VRK2: variants seen among roughly 807,000 people sequenced by gnomAD.
The protein encoded by VRK2 is serine/threonine-protein kinase VRK2.
A neutral mutation model predicts 57.6 loss-of-function variants in VRK2; 60 were observed. The observed-to-expected ratio is 1.04, with a 90% CI of 0.85 to 1.29. VRK2 has a LOEUF of 1.29. Ranked by LOEUF, VRK2 falls within the 50% of genes most tolerant of loss-of-function variation. The probability of loss-of-function intolerance (pLI) is 0.00; values close to 1 mark genes in which losing one functional copy is unlikely to be tolerated. For synonymous variants in VRK2, 231 were observed against 199.2 expected, an observed-to-expected ratio of 1.16 and a Z score of -1.35; for missense variants, 705 against 588.1, an observed-to-expected ratio of 1.20 and a Z score of -2.06.
At chr2:58,074,531 C>T (rs142161441) in intron 2 of VRK2, among the ~76,000 whole-genome samples, 103 of 152,222 alleles carry the variant, frequency 6.8e-4, no homozygotes, top group African/African-American at 2.4e-3. Flanking sequence ...TTTCAAATAA[C>T]ACTATACTAC....
intron 1 of VRK2, among the ~76,000 whole-genome samples, chr2:57,932,286 A>C (rs1322687204): frequency 6.6e-6 from 1 of 152,070 alleles, no homozygotes; most frequent in East Asian, 1.9e-4. Context: ...ATTTCTCTTT[A>C]GATGTCTGAT....
intron 1 of VRK2, among the ~76,000 whole-genome samples, chr2:58,002,601 T>C (rs909115434): frequency 3.3e-5 from 5 of 152,148 alleles, no homozygotes; most frequent in African/African-American, 1.2e-4. Flanking sequence ...TTTTTAATCA[T>C]ATGGTTATAT....
At chr2:58,131,471 C>T (rs1441303387) in intron 8 of VRK2, among the ~76,000 whole-genome samples, 1 of 151,932 alleles carries the variant, frequency 6.6e-6, no homozygotes, top group Non-Finnish European at 1.5e-5. Context: ...TGTTTTACTG[C>T]TTGGCTCTTT....
At chr2:57,939,368 A>T (rs922170685) in intron 1 of VRK2, among the ~76,000 whole-genome samples, 3 of 152,106 alleles carry the variant, frequency 2.0e-5, no homozygotes, top group Non-Finnish European at 4.4e-5. Context: ...AAAGGGCTTC[A>T]CTTTCATTTT....
intron 7 of VRK2, among the ~76,000 whole-genome samples, chr2:58,090,589 T>C (rs1350547171): frequency 6.6e-6 from 1 of 152,074 alleles, no homozygotes; most frequent in Non-Finnish European, 1.5e-5. Context: ...CATTTGTTGC[T>C]CATGGAAATT....
intron 1 of VRK2, among the ~76,000 whole-genome samples, chr2:57,973,480 G>A (rs992882059): frequency 6.6e-6 from 1 of 151,770 alleles, no homozygotes; most frequent in Non-Finnish European, 1.5e-5. Flanking sequence ...CAATACCCAT[G>A]CCTTTGGATT....
rs71394403 is a variant in VRK2 at position 57,933,309 on chromosome 2, C to CTTTTTTTTTTTTT, written c.-439+25480_-439+25492dup. On this transcript the variant is annotated intron_variant, in intron 1 of 15. Coordinates refer to the VRK2 transcript ENST00000417641. The stretch of plus-strand genomic sequence containing the variant: ...TGCTATTTCTTATTTCTTTCTTTTT[C>CTTTTTTTTTTTTT]TTTTTTTTTTTTTTTTTTTTTTGAG... 5.4e-4 allele frequency among the ~76,000 whole-genome samples: 34 copies of CTTTTTTTTTTTTT among 63,320 alleles called. 2 individuals carry two copies. Among genetic ancestry groups the CTTTTTTTTTTTTT allele is most frequent in the African/African-American group, 1.9e-3 (25 of 13,074 alleles). 41.5% of individuals were successfully genotyped at this position (63,320 alleles called of 152,430 possible).
At chr2:58,137,224 C>CATATGATACATATATATCAT (rs1680625353) in intron 10 of VRK2, among the ~76,000 whole-genome samples, 30 of 65,132 alleles carry the variant, frequency 4.6e-4, no homozygotes, top group African/African-American at 2.3e-3. Flanking sequence ...ACATATATAT[C>CATATGATACATATATATCAT]ATATGATACA....
intron 7 of VRK2, among the ~76,000 whole-genome samples, chr2:58,104,346 T>G (rs1558640510): frequency 6.6e-6 from 1 of 151,988 alleles, no homozygotes; most frequent in Non-Finnish European, 1.5e-5. Flanking sequence ...TTAATTTTGT[T>G]AAATGAATTT....
chr2:57,909,470 G>GTA (rs1669920753), intron 1 of VRK2, among the ~76,000 whole-genome samples: 1 of 128,148 alleles, frequency 7.8e-6, no homozygotes, highest in Admixed American at 7.8e-5. Flanking sequence ...GTATGTGTGT[G>GTA]TGTGTGTTTT....
chr2:58,056,692 T>A (rs1166329268), intron 2 of VRK2, among the ~76,000 whole-genome samples: 1 of 152,168 alleles, frequency 6.6e-6, no homozygotes, highest in Non-Finnish European at 1.5e-5. Flanking sequence ...TTGGACTGGT[T>A]AATTGGTACA....
intron 1 of VRK2, among the ~76,000 whole-genome samples, chr2:57,937,670 C>G (rs1670957498): frequency 6.6e-6 from 1 of 152,152 alleles, no homozygotes; most frequent in African/African-American, 2.4e-5. Context: ...AGGAGTTGAA[C>G]TTTTCTCCTT....
chr2:57,925,224 A>T (rs563222427), intron 1 of VRK2, among the ~76,000 whole-genome samples: 1 of 152,116 alleles, frequency 6.6e-6, no homozygotes, highest in Non-Finnish European at 1.5e-5. Context: ...GGCCTTGTAG[A>T]TGTGTTTGAA....
At chr2:57,953,235 C>T (rs1193019426) in intron 1 of VRK2, among the ~76,000 whole-genome samples, 1 of 152,316 alleles carries the variant, frequency 6.6e-6, no homozygotes, top group African/African-American at 2.4e-5. Context: ...CACTTTTGCT[C>T]TTATCTGATT....
At chr2:58,060,585 G>GT (rs1248883473) in intron 2 of VRK2, among the ~76,000 whole-genome samples, 3 of 151,708 alleles carry the variant, frequency 2.0e-5, no homozygotes, top group Non-Finnish European at 4.4e-5. Flanking sequence ...TCTATTATCT[G>GT]TTTATGTAGT....
At chr2:58,029,724 C>T (rs1339456118) in intron 2 of VRK2, among the ~76,000 whole-genome samples, 1 of 152,070 alleles carries the variant, frequency 6.6e-6, no homozygotes, top group African/African-American at 2.4e-5. Context: ...ATCAGAATGT[C>T]TTTGCCAGCT....
chr2:57,936,406 A>G (rs1029838325), intron 1 of VRK2, among the ~76,000 whole-genome samples: 25 of 152,236 alleles, frequency 1.6e-4, no homozygotes, highest in African/African-American at 6.0e-4. Flanking sequence ...CATTTGCCTT[A>G]CAAAAACCCA....
At chr2:58,036,835 T>C (rs1229840496) in intron 3 of VRK2, among the ~76,000 whole-genome samples, 1 of 152,064 alleles carries the variant, frequency 6.6e-6, no homozygotes, top group African/African-American at 2.4e-5. Flanking sequence ...TTTTATAATC[T>C]ATACTGTCCA....
At chr2:58,131,779 A>G (rs368276256) in intron 8 of VRK2, 29 bp from the exon 9 acceptor site, 1 of 1,564,946 alleles carries the variant, frequency 6.4e-7, no homozygotes, top group Non-Finnish European at 8.6e-7. Flanking sequence ...CTTATCCCTT[A>G]TCTTTCTCTC....
Sources: gnomAD v4.1 joint callset for allele counts (sites outside exome capture counted in the v4.1 genomes callset) on GRCh38, gnomAD v4.1.1 for gene constraint, MANE v1.5 for transcripts, NCBI Gene and HGNC (gene_info 2026-07-23, HGNC 2026-07-21) for gene names.